The following BAZ1A variants were observed in gnomAD, a reference collection of about 807,000 sequenced individuals.
BAZ1A encodes the protein bromodomain adjacent to zinc finger domain protein 1A.
In BAZ1A, 50 loss-of-function variants were observed where a neutral mutation model predicts 185.2. The observed-to-expected ratio is 0.27, with a 90% CI of 0.22 to 0.34. The LOEUF (loss-of-function observed/expected upper bound fraction) is 0.34. Among genes scored for constraint, BAZ1A ranks in the 10% least tolerant of loss-of-function variants. The pLI is 1.00. For synonymous variants in BAZ1A, 571 were observed against 615.6 expected (o/e 0.93, Z 1.07); for missense variants, 1,356 against 1,839.9 (o/e 0.74, Z 4.81).
In BAZ1A at chr14:34,836,904, G is replaced by A. The variant is rs192512307; in HGVS notation, c.393-10748C>T. Among the ~76,000 whole-genome samples, 47 of 151,966 alleles carry A rather than the reference G, an allele frequency of 3.1e-4. No individual in the cohort carries two copies. The East Asian group carries it at 3.5e-3, about 11-fold the overall frequency. On this transcript the variant is annotated intron_variant, in intron 3 of 26. Coordinates refer to ENST00000360310, the MANE Select transcript of BAZ1A (RefSeq NM_013448.3). ...TATAATTCCTTTTTTAGAGAAATAC[G>A]TCAATGTAGCTCAAAGAATGTTTCC...
At position 34,794,794 on chromosome 14, in the gene BAZ1A, C is replaced by T. The variant is rs1233127639; in HGVS notation, c.1318G>A (p.Glu440Lys). The T allele has an allele frequency of 1.2e-6, 2 of 1,613,932 alleles. No homozygotes were observed. Among genetic ancestry groups the T allele is most frequent in the Non-Finnish European group, 1.7e-6 (2 of 1,179,990 alleles). Residue 440 changes from glutamate to lysine, a missense_variant, in exon 11 of 27, where the codon GAA (glutamate) becomes AAA (lysine). Coordinates refer to ENST00000360310, the MANE Select transcript of BAZ1A (RefSeq NM_013448.3). ...MVLEFLNAFG[E>K]LFDLQDEFPD... ...AACTCATCTTGAAGATCAAAAAGTTCCCCAAATGCATTAAGGAACTCCAAA... is the reference window on the plus strand; with the variant it reads ...AACTCATCTTGAAGATCAAAAAGTTTCCCAAATGCATTAAGGAACTCCAAA...
In BAZ1A at chr14:34,776,095, A is replaced by C; in HGVS notation, c.2657T>G (p.Val886Gly). ...RDHSVQLPKP[V>G]HKPNRWCFYS... ...AAAGCACCACCGATTTGGCTTATGCACTGGTTTTGGCAGCTGCACAGAATG... is the reference window on the plus strand; with the variant it reads ...AAAGCACCACCGATTTGGCTTATGCCCTGGTTTTGGCAGCTGCACAGAATG... The change falls in exon 18 of 27, where the codon GTG (valine) becomes GGG (glycine). Residue 886 changes from valine (V) to glycine (G), a missense_variant. By Grantham distance (109) the Val-to-Gly change is moderately radical (BLOSUM62 -3). Transcript: ENST00000360310. The C allele has an allele frequency of 6.2e-7, 1 of 1,614,170 alleles. No individual in the cohort carries two copies. The highest frequency in any genetic ancestry group is 8.5e-7 in the Non-Finnish European group (1 of 1,180,020).
At chr14:34,828,704 T>G (rs2042197813) in intron 3 of BAZ1A, 1 of 152,242 alleles carries the variant, frequency 6.6e-6, no homozygotes. Context: ...TTTCTCCTCC[T>G]GTGTATCTTC....
At chr14:34,832,215 C>CACATATATAT in intron 3 of BAZ1A, among the ~76,000 whole-genome samples, 3 of 89,710 alleles carry the variant, frequency 3.3e-5, no homozygotes, top group Admixed American at 1.4e-4. Context: ...CACACACACA[C>CACATATATAT]ATATATATAT....
intron 11 of BAZ1A, 38 bp downstream of exon 11, chr14:34,794,711 T>G (rs758094551): frequency 1.3e-6 from 2 of 1,574,096 alleles, no homozygotes; most frequent in African/African-American, 1.4e-5. Context: ...AATTTTAGGA[T>G]GAACTATAAT....
At position 34,817,583 on chromosome 14, in the gene BAZ1A, TCAAAA is replaced by T. The variant is rs747771568; in HGVS notation, c.537-6552_537-6548del. Reference sequence around the variant, plus strand: ...AGCCTGGCAACAGAGCCAGTCTGTCTCAAAACAAAACAAAACAAAACAAAACAACA... The same window carrying T: ...AGCCTGGCAACAGAGCCAGTCTGTCTCAAAACAAAACAAAACAAAACAACA... On this transcript the variant is annotated intron_variant, in intron 4 of 26. Coordinates refer to ENST00000360310, the MANE Select transcript of BAZ1A (RefSeq NM_013448.3). Among the ~76,000 whole-genome samples, 178 of 152,106 alleles carry T rather than the reference TCAAAA, an allele frequency of 1.2e-3. 1 individual carries two copies. The highest frequency in any genetic ancestry group is 1.6e-3 in the Non-Finnish European group (109 of 67,996).
intron 3 of BAZ1A, among the ~76,000 whole-genome samples, chr14:34,860,969 T>C (rs532610598): frequency 1.3e-5 from 2 of 152,308 alleles, no homozygotes; most frequent in African/African-American, 4.8e-5. Context: ...TAAACACATT[T>C]GGTTGCTTGG....
At chr14:34,823,723 C>T (rs2042121470) in intron 4 of BAZ1A, among the ~76,000 whole-genome samples, 1 of 152,080 alleles carries the variant, frequency 6.6e-6, no homozygotes, top group East Asian at 1.9e-4. Flanking sequence ...TTTAAAAATA[C>T]CTTTCATATA....
At chr14:34,820,381 C>A (rs1036529250) in intron 4 of BAZ1A, among the ~76,000 whole-genome samples, 4 of 152,158 alleles carry the variant, frequency 2.6e-5, no homozygotes, top group Admixed American at 1.3e-4. Context: ...ATCCACCCCC[C>A]TTGGCCTCCC....
intron 3 of BAZ1A, among the ~76,000 whole-genome samples, chr14:34,836,012 T>A (rs2042323916): frequency 6.6e-6 from 1 of 151,842 alleles, no homozygotes; most frequent in Non-Finnish European, 1.5e-5. Context: ...GTATATACCT[T>A]CCGCTAAAAA....
chr14:34,828,799 GTC>G (rs1224873011), intron 3 of BAZ1A: 3 of 152,128 alleles, frequency 2.0e-5, no homozygotes, highest in African/African-American at 7.2e-5. Flanking sequence ...CCAGGGTATG[GTC>G]TCTTCTTCTC....
intron 21 of BAZ1A, among the ~76,000 whole-genome samples, chr14:34,766,939 G>A (rs1212464132): frequency 6.6e-6 from 1 of 152,148 alleles, no homozygotes; most frequent in Non-Finnish European, 1.5e-5. Flanking sequence ...GTTTTAAGAA[G>A]TTTAAAATAT....
chr14:34,825,501 A>G (rs2042154292), intron 4 of BAZ1A, among the ~76,000 whole-genome samples: 1 of 150,260 alleles, frequency 6.7e-6, no homozygotes, highest in South Asian at 2.1e-4. Flanking sequence ...TGTATAAATG[A>G]CTGAATGAGG....
At chr14:34,766,501 T>A (rs1175360366) in intron 21 of BAZ1A, among the ~76,000 whole-genome samples, 2 of 151,926 alleles carry the variant, frequency 1.3e-5, no homozygotes, top group East Asian at 3.9e-4. Flanking sequence ...GGGTGGTTAG[T>A]CCCTCTCTAA....
chr14:34,779,531 T>TA (rs1427859098), intron 17 of BAZ1A, among the ~76,000 whole-genome samples: 2 of 152,086 alleles, frequency 1.3e-5, no homozygotes, highest in African/African-American at 2.4e-5. Context: ...TCTATCTACT[T>TA]AGAGTAACCA....
At chr14:34,788,166 C>T (rs922788993) in intron 12 of BAZ1A, among the ~76,000 whole-genome samples, 2 of 151,914 alleles carry the variant, frequency 1.3e-5, no homozygotes, top group Non-Finnish European at 1.5e-5. Flanking sequence ...TACAGGCACC[C>T]GCCACCACGC....
intron 3 of BAZ1A, among the ~76,000 whole-genome samples, chr14:34,832,755 T>A (rs1305054146): frequency 6.6e-6 from 1 of 152,198 alleles, no homozygotes; most frequent in Admixed American, 6.5e-5. Flanking sequence ...GAGAACAGTT[T>A]GGCAATTCCT....
intron 9 of BAZ1A, among the ~76,000 whole-genome samples, chr14:34,798,789 G>C (rs900857092): frequency 6.6e-6 from 1 of 152,206 alleles, no homozygotes; most frequent in African/African-American, 2.4e-5. Flanking sequence ...GTTGGCTGGA[G>C]TGTAAACTAG....
chr14:34,870,999 C>T (rs1301401782), intron 2 of BAZ1A, among the ~76,000 whole-genome samples: 2 of 152,100 alleles, frequency 1.3e-5, no homozygotes, highest in Non-Finnish European at 1.5e-5. Flanking sequence ...GAGAGTTATA[C>T]ATTTTATATT....
Sources: gnomAD v4.1 joint callset for allele counts (sites outside exome capture counted in the v4.1 genomes callset) on GRCh38, gnomAD v4.1.1 for gene constraint, MANE v1.5 for transcripts, NCBI Gene and HGNC (gene_info 2026-07-23, HGNC 2026-07-21) for gene names.